The following ASAP1 variants were observed in gnomAD, a reference collection of about 807,000 sequenced individuals.
ASAP1 encodes arf-GAP with SH3 domain, ANK repeat and PH domain-containing protein 1.
A neutral mutation model predicts 145.2 loss-of-function variants in ASAP1; 43 were observed. That is an observed-to-expected ratio of 0.30 (90% CI 0.23 to 0.38). The LOEUF (loss-of-function observed/expected upper bound fraction) is 0.38. ASAP1 is among the 10% of genes least tolerant of loss of function. The probability of loss-of-function intolerance (pLI) is 1.00; values close to 1 mark genes in which losing one functional copy is unlikely to be tolerated. For synonymous variants in ASAP1, 546 were observed against 515.5 expected (o/e 1.06, Z -0.80); for missense variants, 1,018 against 1,355.3 (o/e 0.75, Z 3.91).
chr8:130,263,333 T>C (rs1314312373), intron 3 of ASAP1, among the ~76,000 whole-genome samples: 1 of 151,990 alleles, frequency 6.6e-6, no homozygotes, highest in Non-Finnish European at 1.5e-5. Context: ...TCTCAGGAAT[T>C]TGAACTAGAG....
chr8:130,130,852 T>C (rs892906697), intron 15 of ASAP1, among the ~76,000 whole-genome samples: 1 of 152,090 alleles, frequency 6.6e-6, no homozygotes, highest in African/African-American at 2.4e-5. Flanking sequence ...AAGTCCAGCC[T>C]GGGCAACATA....
At chr8:130,152,419 A>T (rs1228299756) in intron 13 of ASAP1, among the ~76,000 whole-genome samples, 1 of 152,156 alleles carries the variant, frequency 6.6e-6, no homozygotes, top group African/African-American at 2.4e-5. Context: ...TTACATGCAA[A>T]GAACAGCCTG....
intron 3 of ASAP1, among the ~76,000 whole-genome samples, chr8:130,309,818 G>A (rs892233337): frequency 2.0e-5 from 3 of 152,160 alleles, no homozygotes; most frequent in African/African-American, 4.8e-5. Flanking sequence ...GTACTGCCAG[G>A]TGAACTCCCA....
At chr8:130,209,487 G>C (rs1349417652) in intron 5 of ASAP1, among the ~76,000 whole-genome samples, 1 of 150,554 alleles carries the variant, frequency 6.6e-6, no homozygotes, top group African/African-American at 2.4e-5. Context: ...GTTGTCTTAA[G>C]CATAAATCAA....
At chr8:130,236,318 ATT>A (rs560221831) in intron 4 of ASAP1, among the ~76,000 whole-genome samples, 1 of 144,880 alleles carries the variant, frequency 6.9e-6, no homozygotes, top group African/African-American at 2.5e-5. Flanking sequence ...GTGGTTACTC[ATT>A]TTTTTTTTTT....
chr8:130,085,909 A>G (rs1592765680), intron 25 of ASAP1, among the ~76,000 whole-genome samples: 2 of 152,306 alleles, frequency 1.3e-5, no homozygotes, highest in East Asian at 3.9e-4. Context: ...GGACTTCAGT[A>G]ATGTAATGCT....
chr8:130,388,865 C>T (rs756863548), intron 2 of ASAP1, among the ~76,000 whole-genome samples: 5 of 152,168 alleles, frequency 3.3e-5, no homozygotes, highest in South Asian at 2.1e-4. Context: ...TAGTAGCACA[C>T]GGAGTAAAAG....
At chr8:130,094,458 C>T (rs2097512886) in intron 24 of ASAP1, among the ~76,000 whole-genome samples, 1 of 151,956 alleles carries the variant, frequency 6.6e-6, no homozygotes, top group African/African-American at 2.4e-5. Context: ...TGAGCTGAAG[C>T]GACCCTCCCA....
intron 1 of ASAP1, 78 bp downstream of exon 1, chr8:130,443,382 G>A (rs1350908950): frequency 1.3e-5 from 2 of 151,290 alleles, no homozygotes; most frequent in African/African-American, 2.4e-5. Context: ...TCGCGCGAGA[G>A]ACTGGGCAGG....
intron 11 of ASAP1, chr8:130,163,011 T>G (rs372438826): frequency 3.0e-5 from 5 of 168,246 alleles, no homozygotes. Context: ...TGTTAAGTTT[T>G]CAAATGGGCC....
chr8:130,277,075 TGCTTTTCAATGCAG>T (rs1820957441), intron 3 of ASAP1, among the ~76,000 whole-genome samples: 2 of 152,114 alleles, frequency 1.3e-5, no homozygotes, highest in Non-Finnish European at 2.9e-5. Context: ...CACATGTGTG[TGCTTTTCAATGCAG>T]GCACCGAGGG....
intron 15 of ASAP1, among the ~76,000 whole-genome samples, chr8:130,129,683 G>C (rs1252891467): frequency 6.6e-6 from 1 of 152,048 alleles, no homozygotes; most frequent in Non-Finnish European, 1.5e-5. Context: ...AATAGTGACA[G>C]CATAAGAATT....
At position 130,358,994 on chromosome 8, in the gene ASAP1, G is replaced by T. The variant is rs1826557916; in HGVS notation, c.60-851C>A. Among the ~76,000 whole-genome samples, 6 of 152,156 alleles carry T rather than the reference G, an allele frequency of 3.9e-5. No individual in the cohort carries two copies. The South Asian group carries it at 1.2e-3, about 32-fold the overall frequency. ...CCCCGGGAGAGCCGCCTTCTACTGC[G>T]AGGGCCGCCGACCCCGCGAAGGAAG... On this transcript the variant is annotated intron_variant, in intron 2 of 29. Transcript: ENST00000518721. This position sits in a 1 kb window ranked among gnomAD's most constrained non-coding sequence, Gnocchi z 4.1.
At chr8:130,376,455 C>T (rs1028945210) in intron 2 of ASAP1, among the ~76,000 whole-genome samples, 10 of 107,740 alleles carry the variant, frequency 9.3e-5, no homozygotes, top group Non-Finnish European at 2.0e-4. Context: ...AGGCCTGGCA[C>T]GGTGGCTCAC....
At chr8:130,350,954 C>A (rs1020146110) in intron 3 of ASAP1, among the ~76,000 whole-genome samples, 7 of 152,192 alleles carry the variant, frequency 4.6e-5, no homozygotes, top group Non-Finnish European at 1.0e-4. Context: ...CAGGGTGGAG[C>A]TGGAAGCAAC....
chr8:130,194,146 T>C (rs1293360284), intron 5 of ASAP1, among the ~76,000 whole-genome samples: 1 of 152,202 alleles, frequency 6.6e-6, no homozygotes, highest in Non-Finnish European at 1.5e-5. Flanking sequence ...ATTCAGAATG[T>C]TCCCAGTGAC....
chr8:130,401,952 C>T lies in ASAP1; in HGVS notation c.-9G>A, dbSNP rs371543733. On this transcript the variant is annotated 5_prime_UTR_variant, in exon 2 of 30. Transcript: ENST00000518721. ...GAGGCTGAAGATCTCATGTCTCAGC[C>T]GTCACATCAGAAAACGACCTGGATA... is the stretch of plus-strand genomic sequence containing the variant. 146 of 1,612,796 alleles carry T rather than the reference C, an allele frequency of 9.1e-5. No homozygotes were observed. Among genetic ancestry groups the T allele is most frequent in the Non-Finnish European group, 1.2e-4 (141 of 1,179,750 alleles).
At chr8:130,168,812 T>C (rs1364204631) in intron 10 of ASAP1, among the ~76,000 whole-genome samples, 180 bp downstream of exon 10, 3 of 152,200 alleles carry the variant, frequency 2.0e-5, no homozygotes, top group Non-Finnish European at 4.4e-5. Flanking sequence ...AGAAGGACTC[T>C]GGAGCATTTG....
intron 2 of ASAP1, among the ~76,000 whole-genome samples, chr8:130,385,082 C>T (rs1827949592): frequency 6.6e-6 from 1 of 152,168 alleles, no homozygotes; most frequent in Non-Finnish European, 1.5e-5. Context: ...TGGGAAACAT[C>T]ACCTCCTTCT....
Sources: allele counts gnomAD v4.1 joint callset (sites outside exome capture counted in the v4.1 genomes callset), GRCh38; gene constraint gnomAD v4.1.1; non-coding constraint Gnocchi (gnomAD v3.1); transcripts MANE v1.5; gene names NCBI Gene and HGNC (gene_info 2026-07-23, HGNC 2026-07-21).